The following GSTA4 variants were observed in gnomAD, a reference collection of about 807,000 sequenced individuals.
The protein encoded by GSTA4 is glutathione S-transferase A4.
In GSTA4, 15 loss-of-function variants were observed where a neutral mutation model predicts 24.4. That is an observed-to-expected ratio of 0.61 (90% CI 0.41 to 0.95). The LOEUF is 0.95. GSTA4 is among the 40% of genes least tolerant of loss of function. GSTA4 has a pLI of 0.00. For synonymous variants in GSTA4, 92 were observed against 94.2 expected, an observed-to-expected ratio of 0.98 and a Z score of 0.13; for missense variants, 244 against 262.1, an observed-to-expected ratio of 0.93 and a Z score of 0.48.
chr6:52,994,891 G>T (rs1763739307), intron 1 of GSTA4, among the ~76,000 whole-genome samples: 1 of 152,124 alleles, frequency 6.6e-6, no homozygotes, highest in South Asian at 2.1e-4. Flanking sequence ...ATCTGAGATC[G>T]CACTCTCCCA....
At position 52,982,717 on chromosome 6, in the gene GSTA4, T is replaced by C; in HGVS notation, c.415-12A>G. ...TGACCCCTTAAAATCTGTAGGGAAATGGTGTGCATCAGTTACAATATTCCA... is the reference window on the plus strand; with the variant it reads ...TGACCCCTTAAAATCTGTAGGGAAACGGTGTGCATCAGTTACAATATTCCA... On this transcript the variant is annotated splice_polypyrimidine_tract_variant and intron_variant, in intron 5 of 6. Transcript: ENST00000370963. The C allele has an allele frequency of 6.2e-7, 1 of 1,605,560 alleles. No individual in the cohort carries two copies. The highest frequency in any genetic ancestry group is 8.5e-7 in the Non-Finnish European group (1 of 1,172,704).
intron 6 of GSTA4, among the ~76,000 whole-genome samples, chr6:52,980,733 G>A (rs1739274411): frequency 6.6e-6 from 1 of 152,200 alleles, no homozygotes; most frequent in East Asian, 1.9e-4. Flanking sequence ...AGTGGAAAGA[G>A]TACAGACTTA....
chr6:52,988,331 A>G (rs1403268769), intron 2 of GSTA4, among the ~76,000 whole-genome samples: 3 of 151,870 alleles, frequency 2.0e-5, no homozygotes, highest in African/African-American at 2.4e-5. Flanking sequence ...TTTACAGAAG[A>G]CTTAATTAAG....
chr6:52,988,735 C>A (rs1763609704), intron 2 of GSTA4, among the ~76,000 whole-genome samples: 1 of 151,808 alleles, frequency 6.6e-6, no homozygotes, highest in Admixed American at 6.6e-5. Flanking sequence ...GACGTGTAAC[C>A]ATTATATAGA....
intron 5 of GSTA4, among the ~76,000 whole-genome samples, chr6:52,984,196 G>A (rs1763506405): frequency 6.6e-6 from 1 of 152,228 alleles, no homozygotes; most frequent in Admixed American, 6.5e-5. Context: ...GTGGGAACTT[G>A]GTGAATGCAA....
At chr6:52,993,446 G>A (rs72932943) in intron 2 of GSTA4, among the ~76,000 whole-genome samples, 4,889 of 152,254 alleles carry the variant, frequency 0.032, 136 homozygotes, top group Non-Finnish European at 0.043. Context: ...GAGACAATCA[G>A]ACTGAAGGTT....
chr6:52,982,223 G>C lies in GSTA4; in HGVS notation c.546+351C>G, dbSNP rs45536832. ...GAGTGCAGTTATGGAACAAAATTAA[G>C]ATGAAAATTTCTGAGCTGGGTGTGC... is the stretch of plus-strand genomic sequence containing the variant. On this transcript the variant is annotated intron_variant, in intron 6 of 6. Transcript: ENST00000370963. Among the ~76,000 whole-genome samples, 1,003 of 152,194 alleles carry C rather than the reference G, an allele frequency of 6.6e-3. 12 individuals carry two copies. Among genetic ancestry groups the C allele is most frequent in the African/African-American group, 0.022 (917 of 41,514 alleles).
intron 6 of GSTA4, among the ~76,000 whole-genome samples, chr6:52,982,307 C>T (rs1003208640): frequency 2.0e-5 from 3 of 151,920 alleles, no homozygotes. Context: ...TCTCTTGAGC[C>T]CAGGAGTTCA....
At chr6:52,980,216 G>T (rs1218640971) in intron 6 of GSTA4, among the ~76,000 whole-genome samples, 8 of 151,900 alleles carry the variant, frequency 5.3e-5, no homozygotes, top group African/African-American at 1.7e-4. Flanking sequence ...AATCTTTTGT[G>T]TCCATTCAAT....
chr6:52,990,633 T>C (rs1763644413), intron 2 of GSTA4, among the ~76,000 whole-genome samples: 1 of 152,190 alleles, frequency 6.6e-6, no homozygotes, highest in South Asian at 2.1e-4. Context: ...TGTTGACTCA[T>C]AGGTGAGTAG....
intron 6 of GSTA4, among the ~76,000 whole-genome samples, chr6:52,979,955 G>GT (rs1763418002): frequency 6.6e-6 from 1 of 152,148 alleles, no homozygotes; most frequent in Admixed American, 6.6e-5. Flanking sequence ...TAAAATTTTT[G>GT]TGACTTTTTA....
chr6:52,985,843 G>A (rs1166479419), intron 3 of GSTA4, among the ~76,000 whole-genome samples: 1 of 152,076 alleles, frequency 6.6e-6, no homozygotes, highest in African/African-American at 2.4e-5. Flanking sequence ...ATGAGGTCAG[G>A]AGTTCAAGAC....
At chr6:52,982,814 T>C in intron 5 of GSTA4, 109 bp from the exon 6 acceptor site, 2 of 810,890 alleles carry the variant, frequency 2.5e-6, no homozygotes, top group Non-Finnish European at 4.0e-6. Flanking sequence ...CCTTGTCATT[T>C]CATGCTTTCA....
At chr6:52,978,716 G>T in intron 6 of GSTA4, 124 bp from the exon 7 acceptor site, 1 of 623,332 alleles carries the variant, frequency 1.6e-6, no homozygotes, top group Non-Finnish European at 2.7e-6. Flanking sequence ...GTTCCAAGCA[G>T]AAATGAAATT....
intron 1 of GSTA4, among the ~76,000 whole-genome samples, chr6:52,994,832 G>C (rs1173975027): frequency 2.0e-5 from 3 of 152,168 alleles, no homozygotes; most frequent in Admixed American, 2.0e-4. Flanking sequence ...CCCCTACAGG[G>C]AGATGAGCCC....
intron 1 of GSTA4, among the ~76,000 whole-genome samples, chr6:52,994,844 C>A (rs572019608): frequency 6.6e-6 from 1 of 152,262 alleles, no homozygotes; most frequent in East Asian, 1.9e-4. Context: ...GATGAGCCCC[C>A]GGCCTTGTAA....
intron 5 of GSTA4, among the ~76,000 whole-genome samples, chr6:52,983,768 A>G (rs2127384523): frequency 6.6e-6 from 1 of 152,290 alleles, no homozygotes. Context: ...ACATTCACAA[A>G]GTGCCTGTGG....
intron 4 of GSTA4, 132 bp downstream of exon 4, chr6:52,985,319 T>C: frequency 1.4e-6 from 1 of 731,822 alleles, no homozygotes; most frequent in Non-Finnish European, 2.2e-6. Flanking sequence ...TTCGTGACCT[T>C]CTTGGGTTTT....
Position 52,978,452 on chromosome 6 carries a change from A to T in GSTA4, c.*18T>A. Reference sequence around the variant, plus strand: ...CATCTCTAGGAACACACTGTCACTCACACATGGATGTGTTGTTTTATGGCC... The same window carrying T: ...CATCTCTAGGAACACACTGTCACTCTCACATGGATGTGTTGTTTTATGGCC... On this transcript the variant is annotated 3_prime_UTR_variant, in exon 7 of 7. Coordinates refer to ENST00000370963, the MANE Select transcript of GSTA4 (RefSeq NM_001512.4). 6.2e-7 allele frequency: 1 copy of T among 1,612,106 alleles called. No individual in the cohort carries two copies. The highest frequency in any genetic ancestry group is 8.5e-7 in the Non-Finnish European group (1 of 1,178,656).
Sources: gnomAD v4.1 joint callset for allele counts (sites outside exome capture counted in the v4.1 genomes callset) on GRCh38, gnomAD v4.1.1 for gene constraint, MANE v1.5 for transcripts, NCBI Gene and HGNC (gene_info 2026-07-23, HGNC 2026-07-21) for gene names.